The following SPMIP4 variants were observed in gnomAD, a reference collection of about 807,000 sequenced individuals.
SPMIP4 encodes the protein sperm-associated microtubule inner protein 4.
At chr7:25,143,855 A>G in the SPMIP4 span, among the ~76,000 whole-genome samples, 4 of 152,150 alleles carry the variant, frequency 2.6e-5, no homozygotes, top group Admixed American at 2.6e-4. Flanking sequence ...ACTTCAGCCT[A>G]TCAAGCGTTA....
the SPMIP4 span, chr7:25,135,513 A>C: frequency 6.1e-6 from 6 of 985,518 alleles, no homozygotes; most frequent in Non-Finnish European, 7.2e-6. Flanking sequence ...TTTCTACCTA[A>C]TGCTACTATG....
chr7:25,156,190 C>A, the SPMIP4 span, among the ~76,000 whole-genome samples: 1 of 152,088 alleles, frequency 6.6e-6, no homozygotes, highest in Non-Finnish European at 1.5e-5. Context: ...AGGCAGAGAT[C>A]GGGATGATGC....
the SPMIP4 span, chr7:25,168,472 A>T: frequency 6.4e-7 from 1 of 1,568,490 alleles, no homozygotes; most frequent in South Asian, 1.2e-5. Flanking sequence ...ATACCTGTGA[A>T]AAAAGAGAGA....
chr7:25,130,757 T>C, the SPMIP4 span, among the ~76,000 whole-genome samples: 1 of 152,226 alleles, frequency 6.6e-6, no homozygotes, highest in African/African-American at 2.4e-5. Context: ...GGAGCTATTA[T>C]TGTCTTTGCC....
At chr7:25,176,943 GTGT>G in the SPMIP4 span, among the ~76,000 whole-genome samples, 6 of 152,232 alleles carry the variant, frequency 3.9e-5, no homozygotes, top group Non-Finnish European at 8.8e-5. The surrounding 1 kb of genome is among the most constrained non-coding windows in gnomAD (Gnocchi z 4.4). Flanking sequence ...GTGAGAATCA[GTGT>G]TTAGTCTGGC....
the SPMIP4 span, among the ~76,000 whole-genome samples, chr7:25,147,834 G>C: frequency 6.6e-6 from 1 of 152,134 alleles, no homozygotes; most frequent in Non-Finnish European, 1.5e-5. Flanking sequence ...TCTCAGGACA[G>C]CATTATCAGG....
the SPMIP4 span, among the ~76,000 whole-genome samples, chr7:25,171,061 C>G: frequency 6.6e-6 from 1 of 152,072 alleles, no homozygotes; most frequent in Non-Finnish European, 1.5e-5. Flanking sequence ...TTTAAGAAGC[C>G]CTCCAGGTGA....
the SPMIP4 span, among the ~76,000 whole-genome samples, chr7:25,140,240 A>G: frequency 6.6e-6 from 1 of 152,252 alleles, no homozygotes; most frequent in African/African-American, 2.4e-5. Context: ...TTATGATTTT[A>G]TATCACCTTA....
chr7:25,131,972 A>ACGG, the SPMIP4 span, among the ~76,000 whole-genome samples: 1 of 152,282 alleles, frequency 6.6e-6, no homozygotes, highest in African/African-American at 2.4e-5. This position sits in a 1 kb window ranked among gnomAD's most constrained non-coding sequence, Gnocchi z 4.2. Flanking sequence ...GCAGTGGTGG[A>ACGG]CGGCAAGTGA....
At chr7:25,148,363 A>G in the SPMIP4 span, among the ~76,000 whole-genome samples, 1 of 152,168 alleles carries the variant, frequency 6.6e-6, no homozygotes, top group East Asian at 1.9e-4. Context: ...GCAGAAGGCC[A>G]GAAGTTTGAG....
the SPMIP4 span, among the ~76,000 whole-genome samples, chr7:25,163,513 G>A: frequency 6.6e-6 from 1 of 152,230 alleles, no homozygotes; most frequent in Non-Finnish European, 1.5e-5. The surrounding 1 kb of genome is among the most constrained non-coding windows in gnomAD (Gnocchi z 4.4). Flanking sequence ...AGCTGTGTGT[G>A]TGTCAGGTTT....
At chr7:25,143,022 AG>A in the SPMIP4 span, among the ~76,000 whole-genome samples, 1 of 152,192 alleles carries the variant, frequency 6.6e-6, no homozygotes, top group African/African-American at 2.4e-5. Context: ...ATAAATGGTA[AG>A]GTCTTTTCTA....
At chr7:25,155,571 C>T in the SPMIP4 span, among the ~76,000 whole-genome samples, 1 of 152,154 alleles carries the variant, frequency 6.6e-6, no homozygotes, top group African/African-American at 2.4e-5. Flanking sequence ...AAGAGGCTCC[C>T]AGGAATTGTT....
the SPMIP4 span, among the ~76,000 whole-genome samples, chr7:25,174,257 A>C: frequency 1.4e-5 from 2 of 143,122 alleles, no homozygotes; most frequent in Admixed American, 7.0e-5. This position sits in a 1 kb window ranked among gnomAD's most constrained non-coding sequence, Gnocchi z 4.5. Flanking sequence ...TGTCTCTCTC[A>C]CTCTCTCTCC....
the SPMIP4 span, chr7:25,134,873 C>T: frequency 1.4e-5 from 14 of 985,036 alleles, no homozygotes; most frequent in African/African-American, 5.2e-5. Flanking sequence ...ATTGTTGCTC[C>T]GATTTCCCCA....
chr7:25,159,666 A>G, the SPMIP4 span, among the ~76,000 whole-genome samples: 3 of 152,198 alleles, frequency 2.0e-5, no homozygotes, highest in African/African-American at 7.2e-5. Flanking sequence ...ATTATCCTGT[A>G]ATGTATTATA....
At chr7:25,142,194 C>A in the SPMIP4 span, 1 of 1,404,096 alleles carries the variant, frequency 7.1e-7, no homozygotes, top group African/African-American at 1.4e-5. Flanking sequence ...AAGAAGGAGC[C>A]CAGCACTCTC....
At chr7:25,154,238 T>C in the SPMIP4 span, among the ~76,000 whole-genome samples, 1 of 152,230 alleles carries the variant, frequency 6.6e-6, no homozygotes, top group Non-Finnish European at 1.5e-5. Flanking sequence ...CAAATATTCA[T>C]GTATAGAGGA....
At chr7:25,168,256 G>C in the SPMIP4 span, 7 of 1,568,022 alleles carry the variant, frequency 4.5e-6, no homozygotes, top group Non-Finnish European at 8.6e-7. Context: ...GGATAATAAA[G>C]ACCTTTCTGT....
Sources: allele counts gnomAD v4.1 joint callset (sites outside exome capture counted in the v4.1 genomes callset), GRCh38; gene constraint gnomAD v4.1.1; non-coding constraint Gnocchi (gnomAD v3.1); transcripts MANE v1.5; gene names NCBI Gene and HGNC (gene_info 2026-07-23, HGNC 2026-07-21).